Variants in BRINP3 observed in about 807,000 individuals in gnomAD.
The protein encoded by BRINP3 is BMP/retinoic acid inducible neural specific 3.
A neutral mutation model predicts 71.0 loss-of-function variants in BRINP3; 19 were observed. The observed-to-expected ratio is 0.27, with a 90% CI of 0.19 to 0.39. BRINP3 has a LOEUF of 0.39. BRINP3 is among the 10% of genes least tolerant of loss of function. BRINP3 has a pLI of 1.00. For missense variants in BRINP3, 959 were observed against 940.8 expected, an observed-to-expected ratio of 1.02 and a Z score of -0.25; for synonymous variants, 380 against 337.7, an observed-to-expected ratio of 1.13 and a Z score of -1.37.
At chr1:190,388,039 T>G (rs1288304574) in intron 2 of BRINP3, among the ~76,000 whole-genome samples, 1 of 151,826 alleles carries the variant, frequency 6.6e-6, no homozygotes, top group East Asian at 1.9e-4. Flanking sequence ...ATTATAATAT[T>G]AAGAGCAACA....
chr1:190,106,519 G>A (rs907165638), intron 7 of BRINP3, among the ~76,000 whole-genome samples: 4 of 150,976 alleles, frequency 2.6e-5, no homozygotes, highest in African/African-American at 7.3e-5. Flanking sequence ...AGATCTGTTC[G>A]TCTGTGACCC....
intron 2 of BRINP3, among the ~76,000 whole-genome samples, chr1:190,397,880 T>G (rs556582879): frequency 6.6e-6 from 1 of 152,146 alleles, no homozygotes; most frequent in South Asian, 2.1e-4. Context: ...GAGTAATTAT[T>G]TTACTCTGTG....
chr1:190,365,651 G>A (rs1669440434), intron 2 of BRINP3, among the ~76,000 whole-genome samples: 1 of 137,686 alleles, frequency 7.3e-6, no homozygotes, highest in Non-Finnish European at 1.6e-5. Flanking sequence ...TAATGATATA[G>A]TAAAAATATA....
intron 6 of BRINP3, among the ~76,000 whole-genome samples, chr1:190,222,565 G>T (rs1656987438): frequency 6.6e-6 from 1 of 151,702 alleles, no homozygotes; most frequent in Admixed American, 6.6e-5. Flanking sequence ...TATGAATAAA[G>T]TTGAGACAAA....
chr1:190,115,125 A>G (rs1653021512), intron 7 of BRINP3, among the ~76,000 whole-genome samples: 1 of 152,154 alleles, frequency 6.6e-6, no homozygotes. Flanking sequence ...TCATGGTCAT[A>G]GTCCCCATGT....
At chr1:190,117,694 C>T (rs1653266910) in intron 7 of BRINP3, among the ~76,000 whole-genome samples, 1 of 151,972 alleles carries the variant, frequency 6.6e-6, no homozygotes, top group African/African-American at 2.4e-5. Flanking sequence ...ATGTCATTAT[C>T]ACATAACAAA....
intron 2 of BRINP3, among the ~76,000 whole-genome samples, chr1:190,312,036 AATATATATATATATATATATATATAT>A (rs1180367434): frequency 5.9e-5 from 4 of 68,296 alleles, no homozygotes; most frequent in Non-Finnish European, 8.7e-5. Context: ...TGAAAAGTCA[AATATATATATATATATATATATATAT>A]ATATATATAT....
chr1:190,257,937 G>T (rs1403789559), intron 4 of BRINP3, among the ~76,000 whole-genome samples: 2 of 152,164 alleles, frequency 1.3e-5, no homozygotes, highest in Non-Finnish European at 2.9e-5. Context: ...TACATGGGGG[G>T]TCAGGGACCC....
chr1:190,286,858 C>G (rs1049328720), intron 2 of BRINP3, among the ~76,000 whole-genome samples: 8 of 151,962 alleles, frequency 5.3e-5, no homozygotes, highest in Non-Finnish European at 1.0e-4. Context: ...TAAGAAATGG[C>G]ACTAATGTCA....
At chr1:190,436,813 G>A (rs1221098815) in intron 2 of BRINP3, among the ~76,000 whole-genome samples, 1 of 151,686 alleles carries the variant, frequency 6.6e-6, no homozygotes, top group Non-Finnish European at 1.5e-5. Context: ...GGTGCCATCT[G>A]GTGGAAGCTC....
intron 6 of BRINP3, among the ~76,000 whole-genome samples, chr1:190,180,156 A>G (rs1652902674): frequency 6.6e-6 from 1 of 152,120 alleles, no homozygotes; most frequent in Non-Finnish European, 1.5e-5. Flanking sequence ...GGGAAAGAGC[A>G]CGTGCCTGCT....
chr1:190,305,866 A>G (rs1184354573), intron 2 of BRINP3, among the ~76,000 whole-genome samples: 2 of 151,914 alleles, frequency 1.3e-5, no homozygotes, highest in Non-Finnish European at 2.9e-5. Flanking sequence ...TGATCATTAC[A>G]TAATGTGTAC....
At chr1:190,243,195 C>G (rs1357979617) in intron 4 of BRINP3, among the ~76,000 whole-genome samples, 2 of 152,068 alleles carry the variant, frequency 1.3e-5, no homozygotes, top group Non-Finnish European at 2.9e-5. Flanking sequence ...AAACTGGACA[C>G]AATTTAGTTA....
intron 7 of BRINP3, among the ~76,000 whole-genome samples, chr1:190,106,686 A>T (rs965658333): frequency 9.2e-5 from 14 of 151,524 alleles, no homozygotes; most frequent in African/African-American, 3.4e-4. Context: ...ATTTTTTATT[A>T]TACTTTAAGT....
At chr1:190,414,181 G>A (rs1318012852) in intron 2 of BRINP3, among the ~76,000 whole-genome samples, 1 of 151,928 alleles carries the variant, frequency 6.6e-6, no homozygotes, top group Non-Finnish European at 1.5e-5. Flanking sequence ...TTTTACTATA[G>A]ACAGCAAAAT....
chr1:190,382,014 A>G (rs1185584136), intron 2 of BRINP3, among the ~76,000 whole-genome samples: 2 of 152,160 alleles, frequency 1.3e-5, no homozygotes, highest in African/African-American at 4.8e-5. Flanking sequence ...AAACAGATAC[A>G]CATATTGCAT....
chr1:190,132,608 CACATA>C (rs1375750397), intron 7 of BRINP3, among the ~76,000 whole-genome samples: 1 of 152,014 alleles, frequency 6.6e-6, no homozygotes, highest in East Asian at 1.9e-4. Flanking sequence ...CAGAATCAGA[CACATA>C]ACATAATAAA....
chr1:190,435,689 T>C (rs1674412393), intron 2 of BRINP3, among the ~76,000 whole-genome samples: 1 of 152,034 alleles, frequency 6.6e-6, no homozygotes, highest in African/African-American at 2.4e-5. Flanking sequence ...TGTCTCTACT[T>C]TTCACAGCAA....
intron 7 of BRINP3, among the ~76,000 whole-genome samples, chr1:190,126,427 G>A (rs1437491113): frequency 6.6e-6 from 1 of 151,788 alleles, no homozygotes; most frequent in Non-Finnish European, 1.5e-5. Context: ...TCTTTCCTCT[G>A]TGCTGTTCTG....
Sources: allele counts gnomAD v4.1 joint callset (sites outside exome capture counted in the v4.1 genomes callset), GRCh38; gene constraint gnomAD v4.1.1; transcripts MANE v1.5; gene names NCBI Gene and HGNC (gene_info 2026-07-23, HGNC 2026-07-21).